Variants in KCNMA1 observed in about 807,000 individuals in gnomAD.
KCNMA1 encodes potassium calcium-activated channel subfamily M alpha 1, also known as Calcium-activated potassium channel subunit alpha-1.
A neutral mutation model predicts 140.0 loss-of-function variants in KCNMA1; 29 were observed. That is an observed-to-expected ratio of 0.21 (90% CI 0.15 to 0.28). KCNMA1 has a LOEUF of 0.28. KCNMA1 is among the 10% of genes least tolerant of loss of function. The pLI is 1.00. For synonymous variants in KCNMA1, 612 were observed against 611.9 expected, an observed-to-expected ratio of 1.00 and a Z score of 0.00; for missense variants, 880 against 1,602.2, an observed-to-expected ratio of 0.55 and a Z score of 7.70.
rs531374647 is a variant in KCNMA1, at chr10:77,208,843, G to C, written c.603-23927C>G. ...AAGACCTATTTTTATAGCAGTGTAAGTACATGCACCAACTATTATGTGTTC... is the reference window on the plus strand; with the variant it reads ...AAGACCTATTTTTATAGCAGTGTAACTACATGCACCAACTATTATGTGTTC... On this transcript the variant is annotated intron_variant, in intron 3 of 27. Coordinates refer to ENST00000286628, the MANE Select transcript of KCNMA1 (RefSeq NM_001161352.2). Among the ~76,000 whole-genome samples, 197 of 152,258 alleles carry C rather than the reference G, an allele frequency of 1.3e-3. 4 individuals carry two copies. In the South Asian group the frequency reaches 0.04, roughly 31 times the overall value.
intron 1 of KCNMA1, among the ~76,000 whole-genome samples, chr10:77,418,874 C>T (rs1050628085): frequency 2.0e-5 from 3 of 152,240 alleles, no homozygotes; most frequent in African/African-American, 7.2e-5. Flanking sequence ...AGGGCCACCT[C>T]ATTCAGACTT....
intron 6 of KCNMA1, among the ~76,000 whole-genome samples, chr10:77,120,530 C>T (rs1353165284): frequency 6.6e-6 from 1 of 152,164 alleles, no homozygotes; most frequent in Admixed American, 6.5e-5. Context: ...CCTCTCACAG[C>T]ATTGCTTCTA....
chr10:77,292,728 C>G (rs1203376369), intron 2 of KCNMA1, among the ~76,000 whole-genome samples: 1 of 152,170 alleles, frequency 6.6e-6, no homozygotes, highest in Non-Finnish European at 1.5e-5. Flanking sequence ...TAATAGTTCC[C>G]TACATTAAAT....
chr10:76,967,840 G>T (rs979962817), intron 20 of KCNMA1, among the ~76,000 whole-genome samples: 4 of 152,058 alleles, frequency 2.6e-5, no homozygotes, highest in Non-Finnish European at 5.9e-5. Flanking sequence ...CAATTTTGAT[G>T]TACCATGAAA....
chr10:77,347,137 G>A (rs1025230007), intron 2 of KCNMA1, among the ~76,000 whole-genome samples: 8 of 152,160 alleles, frequency 5.3e-5, no homozygotes, highest in African/African-American at 1.9e-4. Context: ...TGTGTTGTGA[G>A]GATTACATGA....
intron 25 of KCNMA1, among the ~76,000 whole-genome samples, chr10:76,898,738 A>C (rs2152082199): frequency 6.6e-6 from 1 of 152,070 alleles, no homozygotes; most frequent in South Asian, 2.1e-4. Flanking sequence ...TGAGAATGAC[A>C]TATAAAAATA....
intron 5 of KCNMA1, among the ~76,000 whole-genome samples, chr10:77,180,091 C>A (rs964902891): frequency 6.6e-6 from 1 of 152,208 alleles, no homozygotes; most frequent in African/African-American, 2.4e-5. Flanking sequence ...ACCGCACAGT[C>A]CTGTACCCTC....
At chr10:77,614,434 G>A (rs1373173810) in intron 1 of KCNMA1, among the ~76,000 whole-genome samples, 5 of 152,192 alleles carry the variant, frequency 3.3e-5, no homozygotes, top group African/African-American at 1.2e-4. Flanking sequence ...AGCTAAAGAA[G>A]GGAAGCATGC....
chr10:77,571,580 C>A lies in KCNMA1; in HGVS notation c.378+65685G>T, dbSNP rs1406522029. ...GGCCCCTGTCTTCTCCCTTTGCCCC[C>A]CTGCAGATGTCTGCTGGACCACCTG... On this transcript the variant is annotated intron_variant, in intron 1 of 27. Transcript: ENST00000286628. 2.0e-5 allele frequency among the ~76,000 whole-genome samples: 3 copies of A among 152,166 alleles called. No homozygotes were observed. The South Asian group carries it at 6.2e-4, about 32-fold the overall frequency.
chr10:77,273,959 C>A (rs556980688), intron 2 of KCNMA1, among the ~76,000 whole-genome samples: 1 of 152,334 alleles, frequency 6.6e-6, no homozygotes, highest in South Asian at 2.1e-4. Context: ...CGTGTACATA[C>A]ATGGAAAGGA....
intron 2 of KCNMA1, among the ~76,000 whole-genome samples, chr10:77,352,473 C>T (rs1029328179): frequency 2.0e-5 from 3 of 152,154 alleles, no homozygotes; most frequent in African/African-American, 7.2e-5. Flanking sequence ...AGCCACTAAC[C>T]ACACATGGCT....
intron 5 of KCNMA1, among the ~76,000 whole-genome samples, chr10:77,165,489 T>C (rs908645911): frequency 2.0e-5 from 3 of 152,250 alleles, no homozygotes; most frequent in African/African-American, 7.2e-5. Flanking sequence ...ATATTTCTTT[T>C]AAATTCAAAA....
chr10:77,061,328 T>A (rs963916841), intron 14 of KCNMA1, among the ~76,000 whole-genome samples: 5 of 151,942 alleles, frequency 3.3e-5, no homozygotes, highest in African/African-American at 1.2e-4. Flanking sequence ...AAAAAACAAA[T>A]TCAAAGAAAC....
intron 19 of KCNMA1, among the ~76,000 whole-genome samples, chr10:76,982,533 G>T (rs2079868521): frequency 6.6e-6 from 1 of 152,130 alleles, no homozygotes; most frequent in African/African-American, 2.4e-5. Context: ...CCAAGGCAAG[G>T]TGGTTGGAAA....
At chr10:77,613,788 G>T (rs748638828) in intron 1 of KCNMA1, among the ~76,000 whole-genome samples, 1 of 152,218 alleles carries the variant, frequency 6.6e-6, no homozygotes. Context: ...GCCTGACAGA[G>T]GCCCCTTCAG....
chr10:77,427,802 T>A (rs981270536), intron 1 of KCNMA1, among the ~76,000 whole-genome samples: 2 of 151,888 alleles, frequency 1.3e-5, no homozygotes, highest in Non-Finnish European at 2.9e-5. Flanking sequence ...CAGGCTGGAG[T>A]GCAGTGGCAT....
chr10:77,350,732 G>A (rs1723924593), intron 2 of KCNMA1: 1 of 152,294 alleles, frequency 6.6e-6, no homozygotes, highest in Admixed American at 6.5e-5. Flanking sequence ...ATATGGGGGT[G>A]GGGAGGGTGT....
chr10:77,275,326 T>C (rs1488029248), intron 2 of KCNMA1, among the ~76,000 whole-genome samples: 1 of 152,148 alleles, frequency 6.6e-6, no homozygotes, highest in African/African-American at 2.4e-5. Context: ...ATCTGTCTAA[T>C]ACAGGAGGAG....
chr10:77,028,355 T>C (rs941880659), intron 15 of KCNMA1, among the ~76,000 whole-genome samples: 4 of 152,132 alleles, frequency 2.6e-5, no homozygotes, highest in African/African-American at 9.7e-5. Flanking sequence ...TAATAATACT[T>C]GGCCTCTGTG....
Sources: allele counts gnomAD v4.1 joint callset (sites outside exome capture counted in the v4.1 genomes callset), GRCh38; gene constraint gnomAD v4.1.1; transcripts MANE v1.5; gene names NCBI Gene and HGNC (gene_info 2026-07-23, HGNC 2026-07-21).